GRID2: variants seen among roughly 807,000 people sequenced by gnomAD.
GRID2 encodes glutamate ionotropic receptor delta type subunit 2.
A neutral mutation model predicts 114.8 loss-of-function variants in GRID2; 33 were observed. The observed-to-expected ratio is 0.29, with a 90% CI of 0.22 to 0.38. The LOEUF is 0.38. Among genes scored for constraint, GRID2 ranks in the 10% least tolerant of loss-of-function variants. GRID2 has a pLI of 1.00. For synonymous variants in GRID2, 505 were observed against 449.9 expected, an observed-to-expected ratio of 1.12 and a Z score of -1.55; for missense variants, 1,184 against 1,257.7, an observed-to-expected ratio of 0.94 and a Z score of 0.89.
intron 14 of GRID2, among the ~76,000 whole-genome samples, chr4:93,628,974 G>A (rs1742992867): frequency 6.6e-6 from 1 of 151,796 alleles, no homozygotes. Flanking sequence ...GCCATATTGG[G>A]CAGGCTGGTC....
chr4:92,790,880 G>A (rs1399957191), intron 2 of GRID2, among the ~76,000 whole-genome samples: 2 of 151,770 alleles, frequency 1.3e-5, no homozygotes, highest in Admixed American at 1.3e-4. Context: ...GAAGGGGCAA[G>A]CACCGGGGCA....
chr4:93,211,881 C>CA (rs1743521545), intron 5 of GRID2, among the ~76,000 whole-genome samples: 1 of 152,088 alleles, frequency 6.6e-6, no homozygotes, highest in Non-Finnish European at 1.5e-5. Context: ...TATCCAAAAT[C>CA]AACACTCTTA....
Position 92,635,936 on chromosome 4 carries a change from C to A in GRID2, c.244+45650C>A, listed in dbSNP as rs535862274. ...TAGTAGAGTAAGTGATGAGCACCTTCTGTTTTCTGAAAAAAATGGGTTGAT... is the reference window on the plus strand; with the variant it reads ...TAGTAGAGTAAGTGATGAGCACCTTATGTTTTCTGAAAAAAATGGGTTGAT... On this transcript the variant is annotated intron_variant, in intron 2 of 15. Transcript: ENST00000282020. Among the ~76,000 whole-genome samples, 70 of 152,086 alleles carry A rather than the reference C, an allele frequency of 4.6e-4. No individual in the cohort carries two copies. The South Asian group carries it at 5.4e-3, about 12-fold the overall frequency.
chr4:93,567,314 A>C (rs1035424203), intron 13 of GRID2, among the ~76,000 whole-genome samples: 1 of 152,214 alleles, frequency 6.6e-6, no homozygotes, highest in Admixed American at 6.5e-5. Context: ...TGTCATGTTA[A>C]CTACCTTTTA....
intron 2 of GRID2, among the ~76,000 whole-genome samples, chr4:92,738,018 GTTTTTGCACATTTTTGGCCAAGT>G (rs1181522566): frequency 6.6e-6 from 1 of 152,042 alleles, no homozygotes; most frequent in Non-Finnish European, 1.5e-5. Flanking sequence ...TTGAGGAAAG[GTTTTTGCACATTTTTGGCCAAGT>G]TTTTTGCACA....
At chr4:93,626,570 G>T in intron 14 of GRID2, 135 bp downstream of exon 14, 1 of 575,468 alleles carries the variant, frequency 1.7e-6, no homozygotes, top group Non-Finnish European at 3.1e-6. Context: ...CAACAAAAAA[G>T]ATAGTTATAA....
intron 2 of GRID2, among the ~76,000 whole-genome samples, chr4:92,701,445 G>GCT (rs139516593): frequency 6.6e-6 from 1 of 152,144 alleles, no homozygotes; most frequent in African/African-American, 2.4e-5. Context: ...ATAGTGTTAA[G>GCT]CTCTCCAATA....
Position 92,440,215 on chromosome 4 carries a change from G to A in GRID2, c.88+135471G>A, listed in dbSNP as rs182891289. Reference sequence around the variant, plus strand: ...CCGTTCTACTTTTCTTGAAGACGGAGGACCTTAAGGGATATAAAGGTTTCA... The same window carrying A: ...CCGTTCTACTTTTCTTGAAGACGGAAGACCTTAAGGGATATAAAGGTTTCA... On this transcript the variant is annotated intron_variant, in intron 1 of 15. Coordinates refer to ENST00000282020, the MANE Select transcript of GRID2 (RefSeq NM_001510.4). 2.3e-4 allele frequency among the ~76,000 whole-genome samples: 34 copies of A among 146,210 alleles called. 2 individuals carry two copies. Among genetic ancestry groups the A allele is most frequent in the Admixed American group, 2.2e-3 (33 of 14,680 alleles).
intron 2 of GRID2, among the ~76,000 whole-genome samples, chr4:92,856,759 GT>G (rs1464957109): frequency 1.3e-5 from 2 of 152,096 alleles, no homozygotes; most frequent in African/African-American, 2.4e-5. Flanking sequence ...TACGTAGTTG[GT>G]TTTATGTACG....
chr4:92,388,666 G>A (rs1227946241), intron 1 of GRID2, among the ~76,000 whole-genome samples: 2 of 151,886 alleles, frequency 1.3e-5, no homozygotes, highest in African/African-American at 4.8e-5. Flanking sequence ...ACTAAATATT[G>A]AGAACTCCCT....
Position 93,272,734 on chromosome 4 carries a change from G to A in GRID2, c.1245+34244G>A, listed in dbSNP as rs574326902. Among the ~76,000 whole-genome samples the A allele has an allele frequency of 9.0e-4, 137 of 152,290 alleles. 1 individual carries two copies. Among genetic ancestry groups the A allele is most frequent in the South Asian group, 1.7e-3 (8 of 4,834 alleles). On this transcript the variant is annotated intron_variant, in intron 8 of 15. Coordinates refer to ENST00000282020, the MANE Select transcript of GRID2 (RefSeq NM_001510.4). ...AAGCCATGGCAGGAGTGAGAAGACT[G>A]GTGTGGAGACTACTGTAATAATGGT...
chr4:92,428,868 A>T (rs78947911), intron 1 of GRID2, among the ~76,000 whole-genome samples: 3,468 of 151,990 alleles, frequency 0.023, 127 homozygotes, highest in African/African-American at 0.078. Context: ...TTCCACAAAC[A>T]TTTTTTTTAA....
chr4:92,339,431 T>G (rs1034674887), intron 1 of GRID2, among the ~76,000 whole-genome samples: 6 of 152,246 alleles, frequency 3.9e-5, no homozygotes, highest in Admixed American at 2.6e-4. Context: ...AATTCGTCAT[T>G]GTAGTAGTAT....
chr4:93,402,671 T>G (rs1274384365), intron 9 of GRID2, among the ~76,000 whole-genome samples: 2 of 152,088 alleles, frequency 1.3e-5, no homozygotes, highest in Non-Finnish European at 2.9e-5. Context: ...GTGAAGCTGG[T>G]ACTTCCTAGA....
At chr4:93,499,861 A>T (rs748534426) in intron 12 of GRID2, among the ~76,000 whole-genome samples, 97 of 152,086 alleles carry the variant, frequency 6.4e-4, no homozygotes, top group Non-Finnish European at 1.2e-3. Flanking sequence ...TGTTATTATC[A>T]TCTCTATTTT....
chr4:93,056,180 A>G (rs544582940), intron 2 of GRID2, among the ~76,000 whole-genome samples: 1 of 152,058 alleles, frequency 6.6e-6, no homozygotes, highest in African/African-American at 2.4e-5. Context: ...ACTGAAAAGG[A>G]AAAGTATTTT....
chr4:93,017,901 T>A (rs1333957003), intron 2 of GRID2, among the ~76,000 whole-genome samples: 5 of 147,540 alleles, frequency 3.4e-5, no homozygotes, highest in Non-Finnish European at 7.4e-5. Context: ...TTTTTTTTTT[T>A]ACTCCTATGT....
chr4:93,687,273 A>G (rs1422283143), intron 14 of GRID2, among the ~76,000 whole-genome samples: 3 of 152,026 alleles, frequency 2.0e-5, no homozygotes, highest in African/African-American at 4.8e-5. Flanking sequence ...CTAGGTTGCA[A>G]TGGGGGTGGA....
At chr4:92,506,007 GTTC>G (rs1315545353) in intron 1 of GRID2, among the ~76,000 whole-genome samples, 1 of 151,960 alleles carries the variant, frequency 6.6e-6, no homozygotes, top group African/African-American at 2.4e-5. Flanking sequence ...AAGAATGGCA[GTTC>G]TTCTGCATTT....
Sources: gnomAD v4.1 joint callset for allele counts (sites outside exome capture counted in the v4.1 genomes callset) on GRCh38, gnomAD v4.1.1 for gene constraint, MANE v1.5 for transcripts, NCBI Gene and HGNC (gene_info 2026-07-23, HGNC 2026-07-21) for gene names.